Variants in BRD10 observed in about 807,000 individuals in gnomAD.
BRD10 encodes the protein uncharacterized bromodomain-containing protein 10.
At chr9:5,956,916 C>T in the BRD10 span, among the ~76,000 whole-genome samples, 1 of 151,964 alleles carries the variant, frequency 6.6e-6, no homozygotes, top group Non-Finnish European at 1.5e-5. Context: ...AGAAGTGATC[C>T]CTAAATACAA....
the BRD10 span, chr9:6,007,694 C>T: frequency 6.8e-6 from 11 of 1,609,910 alleles, no homozygotes; most frequent in Middle Eastern, 3.3e-4. Flanking sequence ...GCCGCTGCCA[C>T]CTCCTCCTCG....
chr9:6,004,750 TATAGA>T, the BRD10 span, among the ~76,000 whole-genome samples: 2 of 152,238 alleles, frequency 1.3e-5, no homozygotes, highest in Non-Finnish European at 2.9e-5. Flanking sequence ...ATGAACACTC[TATAGA>T]ATATTGTTTT....
the BRD10 span, among the ~76,000 whole-genome samples, chr9:5,881,404 C>T: frequency 3.9e-5 from 6 of 152,198 alleles, no homozygotes; most frequent in African/African-American, 1.4e-4. Flanking sequence ...TCCAGAGACA[C>T]GGGGTGGTCC....
the BRD10 span, among the ~76,000 whole-genome samples, chr9:5,912,026 G>A: frequency 6.6e-6 from 1 of 152,180 alleles, no homozygotes; most frequent in Non-Finnish European, 1.5e-5. Flanking sequence ...TGTAAACATT[G>A]AATATCTTTC....
At chr9:5,922,817 C>T in the BRD10 span, 1 of 1,613,822 alleles carries the variant, frequency 6.2e-7, no homozygotes, top group Admixed American at 1.7e-5. Context: ...TTGTAAAGGA[C>T]CTTTTGTATT....
chr9:5,930,369 TTATA>T, the BRD10 span, among the ~76,000 whole-genome samples: 80,313 of 135,566 alleles, frequency 0.59, 24,250 homozygotes, highest in Non-Finnish European at 0.71. Context: ...TATAAGGAGA[TTATA>T]TATATATATA....
chr9:5,969,037 C>A, the BRD10 span: 2 of 1,612,164 alleles, frequency 1.2e-6, no homozygotes, highest in Non-Finnish European at 1.7e-6. Context: ...GAGGACACAA[C>A]CCCAGTTTTT....
the BRD10 span, chr9:5,953,975 C>G: frequency 7.9e-7 from 1 of 1,259,686 alleles, no homozygotes; most frequent in Non-Finnish European, 1.1e-6. Context: ...AACACTGAAA[C>G]AAAAAATTGA....
the BRD10 span, among the ~76,000 whole-genome samples, chr9:5,990,023 C>G: frequency 6.6e-6 from 1 of 152,128 alleles, no homozygotes; most frequent in Non-Finnish European, 1.5e-5. Context: ...CTCTGTTATA[C>G]GGTGATAACA....
At chr9:5,905,406 G>T in the BRD10 span, among the ~76,000 whole-genome samples, 1 of 152,152 alleles carries the variant, frequency 6.6e-6, no homozygotes, top group Admixed American at 6.5e-5. Context: ...TTAAAATAGA[G>T]ATTACAGGAC....
the BRD10 span, chr9:5,920,695 T>C: frequency 6.2e-7 from 1 of 1,614,008 alleles, no homozygotes. Flanking sequence ...CTCCTGGTAC[T>C]GCTGCCGAAT....
At chr9:5,916,915 C>G in the BRD10 span, among the ~76,000 whole-genome samples, 1 of 152,180 alleles carries the variant, frequency 6.6e-6, no homozygotes, top group Non-Finnish European at 1.5e-5. Context: ...ACTTTGTGCT[C>G]TAGCCACGAT....
the BRD10 span, chr9:6,007,479 C>A: frequency 1.2e-6 from 2 of 1,611,644 alleles, no homozygotes; most frequent in South Asian, 2.2e-5. Context: ...CCCCCAAGGG[C>A]TGCAGAAAGG....
chr9:5,922,224 G>T, the BRD10 span: 1 of 1,613,976 alleles, frequency 6.2e-7, no homozygotes, highest in African/African-American at 1.3e-5. Flanking sequence ...TCAGCAGTCT[G>T]TTGTGCAAAA....
the BRD10 span, among the ~76,000 whole-genome samples, chr9:5,880,046 A>T: frequency 1.3e-5 from 2 of 151,636 alleles, no homozygotes; most frequent in Non-Finnish European, 2.9e-5. Context: ...CAACCTCCCA[A>T]GTAGCTGGGA....
the BRD10 span, chr9:5,922,783 G>T: frequency 6.2e-7 from 1 of 1,613,958 alleles, no homozygotes; most frequent in South Asian, 1.1e-5. Context: ...GCAACCACTG[G>T]CCACAGGGCA....
At chr9:5,990,309 ACTT>A in the BRD10 span, among the ~76,000 whole-genome samples, 1 of 152,228 alleles carries the variant, frequency 6.6e-6, no homozygotes, top group African/African-American at 2.4e-5. Context: ...AATTTTAACT[ACTT>A]CTTCAATACT....
chr9:6,008,022 G>T, the BRD10 span: 1 of 1,205,834 alleles, frequency 8.3e-7, no homozygotes. Context: ...GAGCCTAGGT[G>T]CCCTCCTCTC....
At chr9:5,986,677 A>G in the BRD10 span, among the ~76,000 whole-genome samples, 3 of 152,226 alleles carry the variant, frequency 2.0e-5, no homozygotes, top group Non-Finnish European at 4.4e-5. Context: ...TAAAACGTTA[A>G]CACTAAAAGA....
Sources: gnomAD v4.1 joint callset for allele counts (sites outside exome capture counted in the v4.1 genomes callset) on GRCh38, gnomAD v4.1.1 for gene constraint, MANE v1.5 for transcripts, NCBI Gene and HGNC (gene_info 2026-07-23, HGNC 2026-07-21) for gene names.